Variants in POU5F2 observed in about 807,000 individuals in gnomAD.
POU5F2 encodes POU domain class 5, transcription factor 2.
For missense variants in POU5F2, 401 were observed against 426.6 expected (o/e 0.94, Z 0.53); for synonymous variants, 191 against 178.7 (o/e 1.07, Z -0.55).
At position 93,741,534 on chromosome 5, in the gene POU5F2, G is replaced by T. The variant is rs765432822; in HGVS notation, c.30C>A (p.Phe10Leu). The T allele has an allele frequency of 6.3e-7, 1 of 1,595,570 alleles. No individual in the cohort carries two copies. The highest frequency in any genetic ancestry group is 1.1e-5 in the South Asian group (1 of 88,562). The change falls in exon 1 of 1, where the codon TTC becomes TTA. Residue 10 changes from phenylalanine to leucine, a missense_variant. By Grantham distance (22) the Phe-to-Leu change is conservative. Transcript: ENST00000606183. MAGHRPSNH[F>L]CPLPGSGGGG... ...CCCCACCACTGCCTGGAAGGGGGCAGAAGTGGTTTGAGGGCCTGTGTCCGG... is the reference window on the plus strand; with the variant it reads ...CCCCACCACTGCCTGGAAGGGGGCATAAGTGGTTTGAGGGCCTGTGTCCGG...
rs1367888016 is a variant in POU5F2 at position 93,736,122 on chromosome 5, G to T, written c.*4455C>A. 1 of 152,090 alleles carries T rather than the reference G, an allele frequency of 6.6e-6. No individual in the cohort carries two copies. The highest frequency in any genetic ancestry group is 1.5e-5 in the Non-Finnish European group (1 of 68,032). 9.4% of individuals were successfully genotyped at this position (152,090 alleles called of 1,614,324 possible). On this transcript the variant is annotated 3_prime_UTR_variant, in exon 1 of 1. Transcript: ENST00000606183. ...TTGTCATCAAGGACGCTGGACCATG[G>T]GAAGCTGTGCTGATATATACGGTTC...
rs1317259116 is a variant in POU5F2, at chr5:93,736,946, T to C, written c.*3631A>G. On this transcript the variant is annotated 3_prime_UTR_variant, in exon 1 of 1. Coordinates refer to ENST00000606183, the MANE Select transcript of POU5F2 (RefSeq NM_153216.2). Reference sequence around the variant, plus strand: ...TTTATACAACACAGTACTACACATTTTTGCCAGAGCAAGTGAGTAAGAAAA... The same window carrying C: ...TTTATACAACACAGTACTACACATTCTTGCCAGAGCAAGTGAGTAAGAAAA... The C allele has an allele frequency of 6.6e-6, 1 of 152,146 alleles. No individual in the cohort carries two copies. Among genetic ancestry groups the C allele is most frequent in the Non-Finnish European group, 1.5e-5 (1 of 68,020 alleles). 9.4% of individuals were successfully genotyped at this position (152,146 alleles called of 1,614,324 possible).
chr5:93,736,566 A>G lies in POU5F2; in HGVS notation c.*4011T>C, dbSNP rs1747259518. ...ATGAGAATGAGATCCCTCAAAACAG[A>G]AAAATAACCACCCTTAGAGTCGGAG... On this transcript the variant is annotated 3_prime_UTR_variant, in exon 1 of 1. Transcript: ENST00000606183. 1 of 152,156 alleles carries G rather than the reference A, an allele frequency of 6.6e-6. No homozygotes were observed. The highest frequency in any genetic ancestry group is 2.1e-4 in the South Asian group (1 of 4,824). 9.4% of individuals were successfully genotyped at this position (152,156 alleles called of 1,614,324 possible). A position where few individuals can be genotyped will look rare whatever the true frequency, so the allele number is the denominator to read the frequency against.
chr5:93,740,934 C>T lies in POU5F2; in HGVS notation c.630G>A (p.Gly210=). 2 of 1,614,000 alleles carry T rather than the reference C, an allele frequency of 1.2e-6. No homozygotes were observed. Among genetic ancestry groups the T allele is most frequent in the East Asian group, 2.2e-5 (1 of 44,878 alleles). Residue 210 remains glycine (G), a synonymous_variant, in exon 1 of 1, where the codon GGG becomes GGA. Coordinates refer to ENST00000606183, the MANE Select transcript of POU5F2 (RefSeq NM_153216.2). ...GCTCTCTGCTTGCCCGTCTCCACTT[C>T]CCAGACTGTTGCAGGATCATCTCCA... ...CKMEMILQQS[G]KWRRASRERR...
chr5:93,741,397 G>C lies in POU5F2; in HGVS notation c.167C>G (p.Pro56Arg), dbSNP rs753112880. The change falls in exon 1 of 1, where the codon CCA (proline) becomes CGA (arginine). Residue 56 changes from proline to arginine, a missense_variant. Physicochemically the swap from Pro to Arg is moderately radical, Grantham distance 103 (BLOSUM62 -2). Transcript: ENST00000606183. ...GGGAATCCTCCACACGTCAGGGCCT[G>C]GGCAGATCCCTGGCCTGACTGCCGG... is the stretch of plus-strand genomic sequence containing the variant. ...VWPAVRPGIC[P>R]GPDVWRIPLG... 4.3e-6 allele frequency: 7 copies of C among 1,613,168 alleles called. No homozygotes were observed. In the East Asian group the frequency reaches 1.1e-4, roughly 26 times the overall value.
rs1285988080 is a variant in POU5F2 at position 93,734,703 on chromosome 5, T to A, written c.*5874A>T. The A allele has an allele frequency of 6.6e-6, 1 of 152,204 alleles. No individual in the cohort carries two copies. The highest frequency in any genetic ancestry group is 1.5e-5 in the Non-Finnish European group (1 of 68,032). 9.4% of individuals were successfully genotyped at this position (152,204 alleles called of 1,614,324 possible). On this transcript the variant is annotated 3_prime_UTR_variant, in exon 1 of 1. Coordinates refer to ENST00000606183, the MANE Select transcript of POU5F2 (RefSeq NM_153216.2). ...GAAAATCTGGGCAAATATGAAGACT[T>A]TGGAGTGTTTGACATCTGCCTTTAC...
Position 93,740,612 on chromosome 5 carries a change from C to A in POU5F2, c.952G>T (p.Ala318Ser). The A allele has an allele frequency of 6.2e-7, 1 of 1,602,504 alleles. No individual in the cohort carries two copies. The highest frequency in any genetic ancestry group is 1.1e-5 in the South Asian group (1 of 90,888). ...LYSAGVAHSS[A>S]PATTLGLLRF ...AGGAGGCCCAGAGTGGTGGCTGGGG[C>A]AGAGGAGTGGGCTACCCCTGCAGAG... Residue 318 changes from alanine to serine, a missense_variant, in exon 1 of 1, where the codon GCC becomes TCC. Transcript: ENST00000606183.
Position 93,741,044 on chromosome 5 carries a change from C to T in POU5F2, c.520G>A (p.Val174Ile). 1.9e-6 allele frequency: 3 copies of T among 1,613,874 alleles called. No homozygotes were observed. The highest frequency in any genetic ancestry group is 1.6e-4 in the Middle Eastern group (1 of 6,062). Reference sequence around the variant, plus strand: ...GGTCGCAGCTTCCACATGTTGGCGACGCTTAGCTGCTGGGCCTCGAAGCGG... The same window carrying T: ...GGTCGCAGCTTCCACATGTTGGCGATGCTTAGCTGCTGGGCCTCGAAGCGG... ...ICRFEAQQLS[V>I]ANMWKLRPLL... The change falls in exon 1 of 1, where the codon GTC becomes ATC. Residue 174 changes from valine to isoleucine, a missense_variant. Physicochemically the swap from Val to Ile is conservative, Grantham distance 29. Coordinates refer to ENST00000606183, the MANE Select transcript of POU5F2 (RefSeq NM_153216.2).
In POU5F2 at chr5:93,741,131, C is replaced by T; in HGVS notation, c.433G>A (p.Ala145Thr). ...GCTCCCACAGCGATCCCCACATCGG[C>T]CTGCGAGTACCCTAGGCTCAACCTC... ...QKRLSLGYSQADVGIAVGALF... is the reference protein window; with the variant it reads ...QKRLSLGYSQTDVGIAVGALF... Residue 145 changes from alanine to threonine, a missense_variant, in exon 1 of 1, where the codon GCC becomes ACC. Ala to Thr is a moderately conservative substitution (Grantham distance 58). Transcript: ENST00000606183. The T allele has an allele frequency of 6.2e-7, 1 of 1,613,892 alleles. No individual in the cohort carries two copies. The highest frequency in any genetic ancestry group is 1.6e-4 in the Middle Eastern group (1 of 6,062).
At position 93,740,958 on chromosome 5, in the gene POU5F2, C is replaced by T. The variant is rs1748296303; in HGVS notation, c.606G>A (p.Met202Ile). ...EAENLLGLCK[M>I]EMILQQSGKW... ...TCCCAGACTGTTGCAGGATCATCTC[C>T]ATTTTGCATAAGCCCAGAAGGTTCT... The change falls in exon 1 of 1, where the codon ATG (methionine) becomes ATA (isoleucine). Residue 202 changes from methionine to isoleucine, a missense_variant. By Grantham distance (10) the Met-to-Ile change is conservative. Coordinates refer to ENST00000606183, the MANE Select transcript of POU5F2 (RefSeq NM_153216.2). 53 of 1,613,842 alleles carry T rather than the reference C, an allele frequency of 3.3e-5. No homozygotes were observed. Among genetic ancestry groups the T allele is most frequent in the Non-Finnish European group, 4.5e-5 (53 of 1,179,892 alleles).
At position 93,734,561 on chromosome 5, in the gene POU5F2, C is replaced by T. The variant is rs1280856771; in HGVS notation, c.*6016G>A. On this transcript the variant is annotated 3_prime_UTR_variant, in exon 1 of 1. Transcript: ENST00000606183. ...AGCATCTTCAGATTAAAAATACTTG[C>T]CTTGTCTATAGGAAATACAAGATAA... The T allele has an allele frequency of 6.6e-6, 1 of 152,062 alleles. No individual in the cohort carries two copies. The highest frequency in any genetic ancestry group is 1.5e-5 in the Non-Finnish European group (1 of 68,004). The allele number at this position is 152,062 out of a possible 1,614,324, so 9.4% of individuals were successfully genotyped here. A position where few individuals can be genotyped will look rare whatever the true frequency, so the allele number is the denominator to read the frequency against.
At position 93,740,864 on chromosome 5, in the gene POU5F2, T is replaced by C. The variant is rs1748265763; in HGVS notation, c.700A>G (p.Lys234Glu). The C allele has an allele frequency of 2.5e-6, 4 of 1,613,956 alleles. No individual in the cohort carries two copies. In the East Asian group the frequency reaches 8.9e-5, roughly 36 times the overall value. Residue 234 changes from lysine (K) to glutamate (E), a missense_variant, in exon 1 of 1, where the codon AAG (lysine) becomes GAG (glutamate). Physicochemically the swap from Lys to Glu is moderately conservative, Grantham distance 56. Coordinates refer to ENST00000606183, the MANE Select transcript of POU5F2 (RefSeq NM_153216.2). Reference sequence around the variant, plus strand: ...TGGCTGATTTGCTGGGGTGTGGGCTTAGGGCACCGCTGGAAGAATTTCTCC... The same window carrying C: ...TGGCTGATTTGCTGGGGTGTGGGCTCAGGGCACCGCTGGAAGAATTTCTCC... ...SLEKFFQRCP[K>E]PTPQQISHIA...
rs1354532790 is a variant in POU5F2 at position 93,736,316 on chromosome 5, T to C, written c.*4261A>G. ...TATAGGTGTGTTCTGAAAACTAAAG[T>C]TGTTACAATTTGTTTATAATTAAGT... On this transcript the variant is annotated 3_prime_UTR_variant, in exon 1 of 1. Transcript: ENST00000606183. 2 of 152,194 alleles carry C rather than the reference T, an allele frequency of 1.3e-5. No individual in the cohort carries two copies. The highest frequency in any genetic ancestry group is 4.8e-5 in the African/African-American group (2 of 41,446). 9.4% of individuals were successfully genotyped at this position (152,194 alleles called of 1,614,324 possible). A position where few individuals can be genotyped will look rare whatever the true frequency, so the allele number is the denominator to read the frequency against.
chr5:93,740,344 C>T lies in POU5F2; in HGVS notation c.*233G>A. The T allele has an allele frequency of 1.9e-6, 1 of 513,922 alleles. No homozygotes were observed. Among genetic ancestry groups the T allele is most frequent in the Admixed American group, 3.5e-5 (1 of 28,626 alleles). 31.8% of individuals were successfully genotyped at this position (513,922 alleles called of 1,614,324 possible). On this transcript the variant is annotated 3_prime_UTR_variant, in exon 1 of 1. Coordinates refer to ENST00000606183, the MANE Select transcript of POU5F2 (RefSeq NM_153216.2). ...TATATACTGTAATGTACCTTTAAAC[C>T]AATGCTAGGGAAAAACAAAGGGAAA...
rs1043611143 is a variant in POU5F2, at chr5:93,739,508, T to A, written c.*1069A>T. 1 of 152,124 alleles carries A rather than the reference T, an allele frequency of 6.6e-6. No individual in the cohort carries two copies. The highest frequency in any genetic ancestry group is 2.4e-5 in the African/African-American group (1 of 41,438). 9.4% of individuals were successfully genotyped at this position (152,124 alleles called of 1,614,324 possible). Reference sequence around the variant, plus strand: ...CAGAAATAAGACATAAACTCTGATATAATACATACTGATAGAATTCTAGGA... The same window carrying A: ...CAGAAATAAGACATAAACTCTGATAAAATACATACTGATAGAATTCTAGGA... On this transcript the variant is annotated 3_prime_UTR_variant, in exon 1 of 1. Transcript: ENST00000606183.
chr5:93,740,101 C>G lies in POU5F2; in HGVS notation c.*476G>C, dbSNP rs987104212. The G allele has an allele frequency of 3.9e-5, 6 of 152,140 alleles. No homozygotes were observed. The highest frequency in any genetic ancestry group is 1.2e-4 in the African/African-American group (5 of 41,328). The allele number at this position is 152,140 out of a possible 1,614,324, so 9.4% of individuals were successfully genotyped here. ...TCCCTATCACATTCTCAAGTCATTC[C>G]CTCAAGATAACTATTATCCTGGATT... On this transcript the variant is annotated 3_prime_UTR_variant, in exon 1 of 1. Coordinates refer to ENST00000606183, the MANE Select transcript of POU5F2 (RefSeq NM_153216.2).
Position 93,740,706 on chromosome 5 carries a change from T to G in POU5F2, c.858A>C (p.Pro286=), listed in dbSNP as rs768012703. 5.6e-6 allele frequency: 9 copies of G among 1,613,572 alleles called. No homozygotes were observed. The highest frequency in any genetic ancestry group is 7.6e-6 in the Non-Finnish European group (9 of 1,179,738). Reference sequence around the variant, plus strand: ...CCAGGTGAAAGCACACTGGTGCTCCTGGGCAAGGAGGCCCGGCTGTCCCCA... The same window carrying G: ...CCAGGTGAAAGCACACTGGTGCTCCGGGGCAAGGAGGCCCGGCTGTCCCCA... ...EIVGTAGPPC[P]GAPVCFHLGL... Residue 286 remains proline, a synonymous_variant, in exon 1 of 1, where the codon CCA becomes CCC. Coordinates refer to ENST00000606183, the MANE Select transcript of POU5F2 (RefSeq NM_153216.2).
rs1338461817 is a variant in POU5F2, at chr5:93,739,438, G to A, written c.*1139C>T. The A allele has an allele frequency of 1.3e-5, 2 of 152,134 alleles. No individual in the cohort carries two copies. The highest frequency in any genetic ancestry group is 4.2e-4 in the South Asian group (2 of 4,818). The allele number at this position is 152,134 out of a possible 1,614,324, so 9.4% of individuals were successfully genotyped here. ...GAAAATACCTATAGATAAAACATTT[G>A]CAAGACTGATCACAAAAAAAGCAAA... On this transcript the variant is annotated 3_prime_UTR_variant, in exon 1 of 1. Transcript: ENST00000606183.
rs555270643 is a variant in POU5F2, at chr5:93,741,448, G to A, written c.116C>T (p.Ala39Val). Residue 39 changes from alanine to valine, a missense_variant, in exon 1 of 1, where the codon GCG becomes GTG. Transcript: ENST00000606183. Reference sequence around the variant, plus strand: ...CCAGACCATCACCCTGCCAGGGGCCGCCTGGGTGCTCAACCAGGTCAGAGT... The same window carrying A: ...CCAGACCATCACCCTGCCAGGGGCCACCTGGGTGCTCAACCAGGTCAGAGT... ...VDTLTWLSTQ[A>V]APGRVMVWPA... The A allele has an allele frequency of 8.1e-6, 13 of 1,613,474 alleles. No individual in the cohort carries two copies. Among genetic ancestry groups the A allele is most frequent in the Admixed American group, 5.0e-5 (3 of 60,018 alleles).
Sources: gnomAD v4.1 joint callset for allele counts on GRCh38, gnomAD v4.1.1 for gene constraint, MANE v1.5 for transcripts, NCBI Gene and HGNC (gene_info 2026-07-23, HGNC 2026-07-21) for gene names.